Variants in MINDY4 observed in about 807,000 individuals in gnomAD.
MINDY4 encodes probable ubiquitin carboxyl-terminal hydrolase MINDY-4.
Under a neutral mutation model 87.0 loss-of-function variants are expected in MINDY4, and 68 were observed. That is an observed-to-expected ratio of 0.78 (90% confidence interval 0.64 to 0.96). The LOEUF (loss-of-function observed/expected upper bound fraction) is 0.96. Among genes scored for constraint, MINDY4 ranks in the 40% least tolerant of loss-of-function variants. MINDY4 has a pLI of 0.00. For missense variants in MINDY4, 919 were observed against 928.2 expected (o/e 0.99, Z 0.13); for synonymous variants, 379 against 363.2 (o/e 1.04, Z -0.50).
chr7:30,830,232 G>A (rs1420890026), intron 6 of MINDY4, among the ~76,000 whole-genome samples: 5 of 152,216 alleles, frequency 3.3e-5, no homozygotes, highest in Admixed American at 3.3e-4. Flanking sequence ...GTAGAAGGCA[G>A]ACCAAGGTGA....
intron 9 of MINDY4, among the ~76,000 whole-genome samples, chr7:30,848,637 G>A (rs764078620): frequency 1.3e-5 from 2 of 152,132 alleles, no homozygotes; most frequent in African/African-American, 4.8e-5. Flanking sequence ...ATAGTGAACC[G>A]TGACCTGGGC....
chr7:30,848,148 A>G (rs1289799708), intron 9 of MINDY4, among the ~76,000 whole-genome samples: 1 of 152,218 alleles, frequency 6.6e-6, no homozygotes, highest in African/African-American at 2.4e-5. Context: ...TTACTTCCAG[A>G]TATGGAGTTT....
intron 17 of MINDY4, among the ~76,000 whole-genome samples, chr7:30,887,215 A>G (rs1054853291): frequency 6.6e-6 from 1 of 151,698 alleles, no homozygotes; most frequent in Non-Finnish European, 1.5e-5. Flanking sequence ...AGTGCCTCCC[A>G]CCCATCGGAG....
chr7:30,813,564 G>T (rs955080877), intron 5 of MINDY4, among the ~76,000 whole-genome samples: 12 of 152,338 alleles, frequency 7.9e-5, no homozygotes, highest in African/African-American at 2.6e-4. Context: ...ACCCCAGAGT[G>T]GGGGCAGGGA....
At chr7:30,793,818 T>G (rs1398489224) in intron 5 of MINDY4, among the ~76,000 whole-genome samples, 1 of 152,222 alleles carries the variant, frequency 6.6e-6, no homozygotes, top group African/African-American at 2.4e-5. Flanking sequence ...TAATTCACAC[T>G]TCCTCCGTTA....
At chr7:30,811,658 C>T (rs1489524695) in intron 5 of MINDY4, among the ~76,000 whole-genome samples, 4 of 152,162 alleles carry the variant, frequency 2.6e-5, no homozygotes, top group African/African-American at 4.8e-5. Flanking sequence ...AGTTAAAGAT[C>T]GAACCCTGAC....
chr7:30,776,309 C>T (rs1029677438), intron 1 of MINDY4, among the ~76,000 whole-genome samples: 4 of 152,210 alleles, frequency 2.6e-5, no homozygotes, highest in African/African-American at 9.7e-5. Context: ...TGGCCTTTTG[C>T]AACTGGCTCA....
chr7:30,815,417 A>AT (rs1788117909), intron 5 of MINDY4, among the ~76,000 whole-genome samples: 2 of 152,172 alleles, frequency 1.3e-5, no homozygotes, highest in South Asian at 4.1e-4. Context: ...GGGACACCTC[A>AT]TGCTGTGGGC....
In MINDY4 at chr7:30,840,759, G is replaced by C. The variant is rs1225619021; in HGVS notation, c.1357-1G>C. The C allele has an allele frequency of 6.2e-7, 1 of 1,613,926 alleles. No homozygotes were observed. The highest frequency in any genetic ancestry group is 1.1e-5 in the South Asian group (1 of 91,046). ...GGCAGCAATGGTCTCATTCTTTGCA[G>C]GGTGGTCCTTGCGGAGTCCTGGCAG... is the stretch of plus-strand genomic sequence containing the variant. On this transcript the variant is annotated splice_acceptor_variant, in intron 8 of 17. Coordinates refer to ENST00000265299, the MANE Select transcript of MINDY4 (RefSeq NM_032222.3). LOFTEE classifies it high-confidence loss of function.
chr7:30,880,523 G>C (rs1264882326), intron 15 of MINDY4, among the ~76,000 whole-genome samples: 1 of 151,986 alleles, frequency 6.6e-6, no homozygotes, highest in Non-Finnish European at 1.5e-5. Flanking sequence ...GAAAATTCAG[G>C]GTGGCTGATT....
intron 9 of MINDY4, among the ~76,000 whole-genome samples, chr7:30,849,061 C>T (rs967912489): frequency 6.6e-6 from 1 of 152,210 alleles, no homozygotes; most frequent in Admixed American, 6.5e-5. Context: ...TGTGTTCTGT[C>T]ACCTTTTAAA....
Position 30,892,124 on chromosome 7 carries a change from G to T in MINDY4, c.*119G>T, listed in dbSNP as rs558500499. The T allele has an allele frequency of 1.5e-5, 17 of 1,097,518 alleles. No individual in the cohort carries two copies. Among genetic ancestry groups the T allele is most frequent in the African/African-American group, 1.5e-4 (10 of 65,176 alleles). The allele number at this position is 1,097,518 out of a possible 1,614,324, so 68.0% of individuals were successfully genotyped here. A position where few individuals can be genotyped will look rare whatever the true frequency, so the allele number is the denominator to read the frequency against. On this transcript the variant is annotated 3_prime_UTR_variant, in exon 18 of 18. Transcript: ENST00000265299. ...TACCCCAACCTGGGTCAGCATGACTGCAGAAGCATCCAGAGCCTCCCTGCC... is the reference window on the plus strand; with the variant it reads ...TACCCCAACCTGGGTCAGCATGACTTCAGAAGCATCCAGAGCCTCCCTGCC...
At chr7:30,854,578 C>G (rs2128572175) in intron 12 of MINDY4, among the ~76,000 whole-genome samples, 1 of 152,276 alleles carries the variant, frequency 6.6e-6, no homozygotes, top group African/African-American at 2.4e-5. Flanking sequence ...ACCTTGCCTT[C>G]CCTTTGACCT....
At chr7:30,801,041 C>T (rs1787634543) in intron 5 of MINDY4, among the ~76,000 whole-genome samples, 1 of 152,168 alleles carries the variant, frequency 6.6e-6, no homozygotes, top group Admixed American at 6.5e-5. Context: ...CCCAAACTCT[C>T]CCAGGTCCTC....
At chr7:30,819,690 A>G (rs894814681) in intron 5 of MINDY4, among the ~76,000 whole-genome samples, 3 of 152,072 alleles carry the variant, frequency 2.0e-5, no homozygotes, top group African/African-American at 7.2e-5. Flanking sequence ...CATGATGGCT[A>G]CATTTTTCTG....
chr7:30,807,864 G>A lies in MINDY4; in HGVS notation c.1073+16290G>A, dbSNP rs931837384. On this transcript the variant is annotated intron_variant, in intron 5 of 17. Coordinates refer to ENST00000265299, the MANE Select transcript of MINDY4 (RefSeq NM_032222.3). ...TGTTAGAATTGTGCGCCCTTAAAAGGGACAGGAATTGCTCACTCGGGGAGC... is the reference window on the plus strand; with the variant it reads ...TGTTAGAATTGTGCGCCCTTAAAAGAGACAGGAATTGCTCACTCGGGGAGC... 2.0e-5 allele frequency among the ~76,000 whole-genome samples: 3 copies of A among 152,200 alleles called. No homozygotes were observed. The South Asian group carries it at 6.2e-4, about 31-fold the overall frequency.
At chr7:30,862,697 G>A (rs117414783) in intron 13 of MINDY4, among the ~76,000 whole-genome samples, 251 of 152,304 alleles carry the variant, frequency 1.6e-3, no homozygotes, top group Non-Finnish European at 2.7e-3. Flanking sequence ...GAAGCCCAGT[G>A]AGGTGGCAAG....
chr7:30,818,151 T>C (rs1272750859), intron 5 of MINDY4, among the ~76,000 whole-genome samples: 1 of 152,216 alleles, frequency 6.6e-6, no homozygotes, highest in Non-Finnish European at 1.5e-5. Context: ...TATATGGATA[T>C]TTATTTTTAT....
At chr7:30,858,897 T>C in intron 12 of MINDY4, 1 of 468,354 alleles carries the variant, frequency 2.1e-6, no homozygotes, top group South Asian at 1.8e-5. Flanking sequence ...GCAGTAATCA[T>C]AGTACTGTCC....
Sources: allele counts gnomAD v4.1 joint callset (sites outside exome capture counted in the v4.1 genomes callset), GRCh38; gene constraint gnomAD v4.1.1; transcripts MANE v1.5; gene names NCBI Gene and HGNC (gene_info 2026-07-23, HGNC 2026-07-21).